Variants in ACVR2A observed in about 807,000 individuals in gnomAD.
ACVR2A encodes the protein activin receptor type-2A.
A neutral mutation model predicts 61.4 loss-of-function variants in ACVR2A; 7 were observed. That is an observed-to-expected ratio of 0.11 (90% confidence interval 0.06 to 0.21). The LOEUF (loss-of-function observed/expected upper bound fraction) is 0.21, where lower values mean the gene tolerates loss of function less well. Among genes scored for constraint, ACVR2A ranks in the 10% least tolerant of loss-of-function variants. The pLI, the probability that ACVR2A is intolerant of heterozygous loss-of-function variation, is 1.00. For synonymous variants in ACVR2A, 193 were observed against 208.3 expected, an observed-to-expected ratio of 0.93 and a Z score of 0.63; for missense variants, 322 against 621.7, an observed-to-expected ratio of 0.52 and a Z score of 5.13.
rs532811000 is a variant in ACVR2A at position 147,926,241 on chromosome 2, C to T, written c.1347+80C>T. ...GAATTATTTATCTCTGCACATTTCT[C>T]TTTCTTCTGCAAGTATTTTCTGGAA... On this transcript the variant is annotated intron_variant, in intron 10 of 10. Transcript: ENST00000241416. 6.0e-6 allele frequency: 9 copies of T among 1,505,796 alleles called. No individual in the cohort carries two copies. The East Asian group carries it at 2.1e-4, about 34-fold the overall frequency. 93.3% of individuals were successfully genotyped at this position (1,505,796 alleles called of 1,614,324 possible).
At chr2:147,881,345 C>T (rs971246076) in intron 1 of ACVR2A, among the ~76,000 whole-genome samples, 1 of 152,070 alleles carries the variant, frequency 6.6e-6, no homozygotes, top group Non-Finnish European at 1.5e-5. Context: ...AAGTATATTT[C>T]TTCCCAAAAA....
At chr2:147,913,822 CAAAAAAAAAAAAAA>C (rs575237522) in intron 4 of ACVR2A, among the ~76,000 whole-genome samples, 23 of 61,800 alleles carry the variant, frequency 3.7e-4, no homozygotes, top group East Asian at 5.7e-4. Flanking sequence ...AACTTGTAGA[CAAAAAAAAAAAAAA>C]AAAAAAAAAA....
intron 5 of ACVR2A, among the ~76,000 whole-genome samples, chr2:147,915,990 A>G (rs1308878695): frequency 4.0e-5 from 6 of 151,842 alleles, no homozygotes; most frequent in South Asian, 4.1e-4. Context: ...CTGGCAGCTC[A>G]TGATACCCTT....
intron 1 of ACVR2A, among the ~76,000 whole-genome samples, chr2:147,876,780 C>CT (rs1686167552): frequency 6.6e-6 from 1 of 152,156 alleles, no homozygotes; most frequent in Non-Finnish European, 1.5e-5. Flanking sequence ...AGGAATTGGT[C>CT]TTAAAATTTA....
At chr2:147,897,360 T>G (rs1168826383) in intron 2 of ACVR2A, among the ~76,000 whole-genome samples, 1 of 152,130 alleles carries the variant, frequency 6.6e-6, no homozygotes, top group East Asian at 1.9e-4. Flanking sequence ...GAACTAACAG[T>G]CCTCAAACTA....
Position 147,890,713 on chromosome 2 carries a change from A to AAT in ACVR2A, c.56-5584_56-5583dup, listed in dbSNP as rs1434508940. Among the ~76,000 whole-genome samples the AAT allele has an allele frequency of 2.0e-5, 3 of 152,186 alleles. No homozygotes were observed. The East Asian group carries it at 5.8e-4, about 29-fold the overall frequency. The stretch of plus-strand genomic sequence containing the variant: ...AAATTGGGAGATGTCGTTAAAACTT[A>AAT]ATATACATAAATAACCATGCCATCC... On this transcript the variant is annotated intron_variant, in intron 1 of 10. Transcript: ENST00000241416.
intron 1 of ACVR2A, among the ~76,000 whole-genome samples, chr2:147,848,287 C>T (rs917819190): frequency 5.9e-5 from 9 of 152,104 alleles, no homozygotes; most frequent in African/African-American, 2.2e-4. Context: ...ATTCTCCCTC[C>T]ATTCATTTTC....
chr2:147,883,514 AAACTACATAATACACAAAAG>A (rs1686360280), intron 1 of ACVR2A, among the ~76,000 whole-genome samples: 1 of 152,210 alleles, frequency 6.6e-6, no homozygotes, highest in Non-Finnish European at 1.5e-5. Context: ...AGTAGGAAAG[AAACTACATAATACACAAAAG>A]TAATAAACAA....
intron 8 of ACVR2A, among the ~76,000 whole-genome samples, chr2:147,921,376 G>A (rs1687378301): frequency 6.6e-6 from 1 of 152,132 alleles, no homozygotes; most frequent in South Asian, 2.1e-4. Flanking sequence ...AACCTAAAAG[G>A]TGACATTTTC....
chr2:147,898,225 G>A (rs1278888667), intron 2 of ACVR2A: 4 of 151,946 alleles, frequency 2.6e-5, no homozygotes, highest in Non-Finnish European at 5.9e-5. Flanking sequence ...CTCTAAATTT[G>A]ATTGAAAACA....
intron 1 of ACVR2A, among the ~76,000 whole-genome samples, chr2:147,873,678 G>A (rs1686084500): frequency 6.6e-6 from 1 of 151,896 alleles, no homozygotes; most frequent in African/African-American, 2.4e-5. Flanking sequence ...AACTGGTGTG[G>A]AATGAAACTT....
At chr2:147,871,480 ATATC>A (rs1686015519) in intron 1 of ACVR2A, among the ~76,000 whole-genome samples, 1 of 152,142 alleles carries the variant, frequency 6.6e-6, no homozygotes, top group South Asian at 2.1e-4. Flanking sequence ...AATTTGCAGA[ATATC>A]TAGCCTAGAT....
At chr2:147,845,778 A>T (rs1198613492) in intron 1 of ACVR2A, among the ~76,000 whole-genome samples, 1 of 152,174 alleles carries the variant, frequency 6.6e-6, no homozygotes, top group Non-Finnish European at 1.5e-5. Context: ...AAATAGTTGT[A>T]GTTGTTGTTG....
chr2:147,860,664 G>C (rs1685705141), intron 1 of ACVR2A, among the ~76,000 whole-genome samples: 1 of 152,150 alleles, frequency 6.6e-6, no homozygotes, highest in African/African-American at 2.4e-5. Context: ...TGATGGGAAG[G>C]CTCTTCTTCA....
At chr2:147,858,332 G>A (rs900762978) in intron 1 of ACVR2A, among the ~76,000 whole-genome samples, 1 of 152,094 alleles carries the variant, frequency 6.6e-6, no homozygotes, top group African/African-American at 2.4e-5. Flanking sequence ...TTCAGAATTT[G>A]TGATGCCTGA....
intron 4 of ACVR2A, chr2:147,902,774 T>G (rs956774144): frequency 2.0e-5 from 3 of 151,992 alleles, no homozygotes; most frequent in East Asian, 1.9e-4. Flanking sequence ...AGGAGAGAGA[T>G]ATTTGAAGTC....
chr2:147,887,635 T>C (rs1277824255), intron 1 of ACVR2A, among the ~76,000 whole-genome samples: 1 of 152,218 alleles, frequency 6.6e-6, no homozygotes, highest in African/African-American at 2.4e-5. Flanking sequence ...CATATATTTA[T>C]TATCAACATG....
chr2:147,888,917 TAAGTA>T (rs1249483741), intron 1 of ACVR2A, among the ~76,000 whole-genome samples: 1 of 152,200 alleles, frequency 6.6e-6, no homozygotes, highest in African/African-American at 2.4e-5. Context: ...GTTTCACTGT[TAAGTA>T]TGACATCAAC....
At chr2:147,844,957 C>T (rs1685260195), upstream of ACVR2A, 4 of 408,656 alleles carry the variant, frequency 9.8e-6, no homozygotes, top group South Asian at 7.5e-5. Flanking sequence ...TATTTTTTAT[C>T]GTTGTGCTCT....
Sources: gnomAD v4.1 joint callset for allele counts (sites outside exome capture counted in the v4.1 genomes callset) on GRCh38, gnomAD v4.1.1 for gene constraint, MANE v1.5 for transcripts, NCBI Gene and HGNC (gene_info 2026-07-23, HGNC 2026-07-21) for gene names.